The following DLG2 variants were observed in gnomAD, a reference collection of about 807,000 sequenced individuals.
DLG2 encodes the protein disks large homolog 2.
In DLG2, 45 loss-of-function variants were observed where a neutral mutation model predicts 132.5. The ratio of observed to expected loss-of-function variants is 0.34; its 90% CI spans 0.27 to 0.44. DLG2 has a LOEUF of 0.44. Ranked by LOEUF, DLG2 falls within the 20% of genes least tolerant of loss-of-function variation. DLG2 has a pLI of 1.00. For synonymous variants in DLG2, 424 were observed against 419.6 expected (o/e 1.01, Z -0.13); for missense variants, 1,045 against 1,196.9 (o/e 0.87, Z 1.87).
At chr11:84,445,870 G>A (rs936643675) in intron 7 of DLG2, among the ~76,000 whole-genome samples, 71 of 144,962 alleles carry the variant, frequency 4.9e-4, no homozygotes, top group African/African-American at 1.8e-3. Flanking sequence ...GAGCCGAGAT[G>A]GTGTCACTGC....
chr11:85,421,850 T>A (rs965820303), intron 3 of DLG2, among the ~76,000 whole-genome samples: 1 of 152,176 alleles, frequency 6.6e-6, no homozygotes, highest in Non-Finnish European at 1.5e-5. Context: ...GATTTAGAGC[T>A]CCTTTTAGCA....
At chr11:83,786,443 T>C in intron 18 of DLG2, 1 of 457,180 alleles carries the variant, frequency 2.2e-6, no homozygotes, top group Non-Finnish European at 4.0e-6. Flanking sequence ...ATAAAGCTGA[T>C]GCTGGTTGCT....
chr11:85,266,633 G>T (rs2077230298), intron 4 of DLG2, among the ~76,000 whole-genome samples: 1 of 151,922 alleles, frequency 6.6e-6, no homozygotes, highest in African/African-American at 2.4e-5. Flanking sequence ...AGAAAGAAAA[G>T]AAAAAGAAAA....
chr11:84,545,857 G>A (rs1402300947), intron 6 of DLG2: 1 of 154,248 alleles, frequency 6.5e-6, no homozygotes. Flanking sequence ...CTGAGTTTAA[G>A]TGATTCTTCC....
intron 19 of DLG2, among the ~76,000 whole-genome samples, chr11:83,589,038 A>C (rs945583249): frequency 1.1e-4 from 16 of 147,338 alleles, no homozygotes; most frequent in African/African-American, 4.0e-4. Context: ...AGTGATGGGG[A>C]GAATGGAACC....
chr11:85,012,438 C>T (rs1043194232), intron 6 of DLG2, among the ~76,000 whole-genome samples: 4 of 151,578 alleles, frequency 2.6e-5, no homozygotes, highest in African/African-American at 4.9e-5. Flanking sequence ...GCAGGAGAAT[C>T]GCTTGAACCT....
intron 15 of DLG2, among the ~76,000 whole-genome samples, chr11:83,883,522 A>G (rs1323812787): frequency 6.6e-6 from 1 of 152,236 alleles, no homozygotes; most frequent in South Asian, 2.1e-4. Flanking sequence ...CTGAGAGTAC[A>G]CTTCAAATGC....
chr11:83,970,623 T>C (rs1184292508), intron 12 of DLG2, among the ~76,000 whole-genome samples: 1 of 152,190 alleles, frequency 6.6e-6, no homozygotes, highest in African/African-American at 2.4e-5. Context: ...TGGGGAGACT[T>C]GTTTAACCTT....
chr11:83,904,585 T>G (rs987232706), intron 15 of DLG2, among the ~76,000 whole-genome samples: 8 of 152,198 alleles, frequency 5.3e-5, no homozygotes, highest in Non-Finnish European at 7.4e-5. Context: ...CTGGGCTATG[T>G]TTTCAAAGAT....
At chr11:84,378,614 C>T (rs529616178) in intron 7 of DLG2, among the ~76,000 whole-genome samples, 3 of 151,942 alleles carry the variant, frequency 2.0e-5, no homozygotes, top group African/African-American at 7.2e-5. Flanking sequence ...CAAATTCACA[C>T]TGTGTGTTCT....
At chr11:84,705,419 T>A (rs1477210690) in intron 6 of DLG2, among the ~76,000 whole-genome samples, 1 of 151,700 alleles carries the variant, frequency 6.6e-6, no homozygotes, top group Non-Finnish European at 1.5e-5. Flanking sequence ...TTGCAAATCA[T>A]TCAGTTCTAT....
intron 6 of DLG2, among the ~76,000 whole-genome samples, chr11:84,638,935 A>G (rs561389532): frequency 1.3e-5 from 2 of 152,352 alleles, no homozygotes; most frequent in African/African-American, 4.8e-5. Flanking sequence ...GAAACACTGA[A>G]TATAATTCAA....
intron 2 of DLG2, among the ~76,000 whole-genome samples, chr11:85,618,363 A>G (rs2081478289): frequency 6.6e-6 from 1 of 152,222 alleles, no homozygotes; most frequent in African/African-American, 2.4e-5. Context: ...AGGAGAATAT[A>G]TATTTAAGAA....
rs906791967 is a variant in DLG2 at position 85,294,940 on chromosome 11, C to T, written c.41-9575G>A. Among the ~76,000 whole-genome samples, 8 of 152,204 alleles carry T rather than the reference C, an allele frequency of 5.3e-5. No individual in the cohort carries two copies. In the South Asian group the frequency reaches 1.0e-3, roughly 20 times the overall value. On this transcript the variant is annotated intron_variant, in intron 3 of 27. Coordinates refer to ENST00000376104, the MANE Select transcript of DLG2 (RefSeq NM_001142699.3). The stretch of plus-strand genomic sequence containing the variant: ...GGCCCAAATAAGGTCTTTAAAAATA[C>T]GACCTCTAAAATGAATTTTAATTCA...
chr11:84,480,395 C>A (rs2099133707), intron 7 of DLG2, among the ~76,000 whole-genome samples: 1 of 152,082 alleles, frequency 6.6e-6, no homozygotes, highest in Non-Finnish European at 1.5e-5. Flanking sequence ...ATCAGCGAAA[C>A]AGGCAGTGAA....
At chr11:84,206,517 A>T (rs2096667528) in intron 8 of DLG2, among the ~76,000 whole-genome samples, 1 of 152,082 alleles carries the variant, frequency 6.6e-6, no homozygotes, top group Non-Finnish European at 1.5e-5. Flanking sequence ...ACCAAATCTA[A>T]TAATATATAA....
At chr11:84,916,247 GC>G (rs1181702278) in intron 6 of DLG2, among the ~76,000 whole-genome samples, 1 of 148,926 alleles carries the variant, frequency 6.7e-6, no homozygotes, top group Admixed American at 6.7e-5. Flanking sequence ...TACTTGGGAG[GC>G]TGAGGCAGGA....
intron 9 of DLG2, among the ~76,000 whole-genome samples, chr11:84,154,593 C>T (rs936929347): frequency 6.6e-6 from 1 of 152,148 alleles, no homozygotes; most frequent in Non-Finnish European, 1.5e-5. Context: ...TGGTGTGCTG[C>T]AACCAGTAAC....
In DLG2 at chr11:85,408,385, A is replaced by G. The variant is rs982304121; in HGVS notation, c.41-123020T>C. Among the ~76,000 whole-genome samples, 8 of 150,492 alleles carry G rather than the reference A, an allele frequency of 5.3e-5. No individual in the cohort carries two copies. The East Asian group carries it at 1.6e-3, about 29-fold the overall frequency. On this transcript the variant is annotated intron_variant, in intron 3 of 27. Coordinates refer to ENST00000376104, the MANE Select transcript of DLG2 (RefSeq NM_001142699.3). Reference sequence around the variant, plus strand: ...CTTCTATTGTAAATTGTTTTGTACTATTATTTTTATTATTATTATTATTAT... The same window carrying G: ...CTTCTATTGTAAATTGTTTTGTACTGTTATTTTTATTATTATTATTATTAT...
Sources: allele counts gnomAD v4.1 joint callset (sites outside exome capture counted in the v4.1 genomes callset), GRCh38; gene constraint gnomAD v4.1.1; transcripts MANE v1.5; gene names NCBI Gene and HGNC (gene_info 2026-07-23, HGNC 2026-07-21).